IMMP2L: variants seen among roughly 807,000 people sequenced by gnomAD.
The protein encoded by IMMP2L is mitochondrial inner membrane protease subunit 2.
IMMP2L carries 18 observed loss-of-function variants against 19.3 expected under a neutral mutation model. The observed-to-expected ratio is 0.93, with a 90% CI of 0.64 to 1.38. The LOEUF (loss-of-function observed/expected upper bound fraction) is 1.38. Ranked by LOEUF, IMMP2L falls within the 40% of genes most tolerant of loss-of-function variation. IMMP2L has a pLI of 0.00. For missense variants in IMMP2L, 233 were observed against 218.2 expected (o/e 1.07, Z -0.43); for synonymous variants, 76 against 73.0 (o/e 1.04, Z -0.21).
At chr7:110,964,440 G>T (rs955861513) in intron 3 of IMMP2L, among the ~76,000 whole-genome samples, 1 of 151,958 alleles carries the variant, frequency 6.6e-6, no homozygotes, top group Admixed American at 6.6e-5. Flanking sequence ...CTACATTTGG[G>T]TTTAGCCATT....
intron 3 of IMMP2L, among the ~76,000 whole-genome samples, chr7:111,391,131 C>G (rs1274084198): frequency 2.0e-5 from 3 of 151,988 alleles, no homozygotes; most frequent in African/African-American, 4.8e-5. Flanking sequence ...TGGCTTATTG[C>G]TAATATGTAA....
At chr7:110,669,104 T>G (rs542992993) in intron 5 of IMMP2L, among the ~76,000 whole-genome samples, 19,080 of 143,576 alleles carry the variant, frequency 0.13, 4,225 homozygotes, top group African/African-American at 0.46. Flanking sequence ...TGTATATATA[T>G]ATATAGAGAG....
At chr7:111,409,309 A>G (rs1834166094) in intron 3 of IMMP2L, among the ~76,000 whole-genome samples, 1 of 151,700 alleles carries the variant, frequency 6.6e-6, no homozygotes, top group African/African-American at 2.4e-5. Context: ...ATGATTCAAT[A>G]TGGTTATCAG....
At chr7:110,945,794 G>A (rs12535802) in intron 4 of IMMP2L, among the ~76,000 whole-genome samples, 68,648 of 151,002 alleles carry the variant, frequency 0.45, 17,369 homozygotes, top group Non-Finnish European at 0.58. Flanking sequence ...GAGGTTGTGA[G>A]CAGAATCAGA....
At chr7:111,021,526 G>A (rs1826275783) in intron 3 of IMMP2L, among the ~76,000 whole-genome samples, 1 of 152,184 alleles carries the variant, frequency 6.6e-6, no homozygotes, top group Admixed American at 6.5e-5. Context: ...TGAAGGAGTA[G>A]CAAAGTCACA....
chr7:111,010,975 T>C (rs1214734597), intron 3 of IMMP2L, among the ~76,000 whole-genome samples: 1 of 150,914 alleles, frequency 6.6e-6, no homozygotes, highest in African/African-American at 2.4e-5. Context: ...ACCCAGGTGT[T>C]GAAAGTGTCC....
intron 5 of IMMP2L, among the ~76,000 whole-genome samples, chr7:110,859,276 T>A (rs913983946): frequency 6.6e-6 from 1 of 151,998 alleles, no homozygotes; most frequent in Non-Finnish European, 1.5e-5. Flanking sequence ...TCAGAAGTAT[T>A]TTTTCAGTCT....
At chr7:110,825,175 C>T (rs1438333215) in intron 5 of IMMP2L, among the ~76,000 whole-genome samples, 10 of 152,030 alleles carry the variant, frequency 6.6e-5, no homozygotes, top group East Asian at 1.9e-4. Flanking sequence ...CACTGCTTAG[C>T]GAAATAAAAG....
At chr7:111,253,691 G>A (rs957268323) in intron 3 of IMMP2L, among the ~76,000 whole-genome samples, 1 of 152,132 alleles carries the variant, frequency 6.6e-6, no homozygotes, top group African/African-American at 2.4e-5. Context: ...GTCAAGATTT[G>A]CTACCAAATC....
chr7:111,162,310 T>C (rs1442828597), intron 3 of IMMP2L, among the ~76,000 whole-genome samples: 1 of 152,050 alleles, frequency 6.6e-6, no homozygotes, highest in Non-Finnish European at 1.5e-5. Context: ...AACACTGAAA[T>C]TTGATTATAA....
chr7:111,529,787 A>G (rs1308049099), intron 1 of IMMP2L, among the ~76,000 whole-genome samples: 1 of 152,198 alleles, frequency 6.6e-6, no homozygotes, highest in African/African-American at 2.4e-5. Flanking sequence ...GCATCTGGAT[A>G]CTAAGAGAAG....
chr7:110,845,025 A>G (rs930150367), intron 5 of IMMP2L, among the ~76,000 whole-genome samples: 1 of 152,140 alleles, frequency 6.6e-6, no homozygotes, highest in East Asian at 1.9e-4. Flanking sequence ...ATCAGCTGGG[A>G]AAGATTTAAA....
At chr7:111,519,783 A>G (rs1028912174) in intron 2 of IMMP2L, among the ~76,000 whole-genome samples, 1 of 152,146 alleles carries the variant, frequency 6.6e-6, no homozygotes, top group Non-Finnish European at 1.5e-5. Context: ...GAATATCATC[A>G]GATCCAAAGT....
At chr7:111,129,890 A>G (rs189003016) in intron 3 of IMMP2L, among the ~76,000 whole-genome samples, 116 of 152,324 alleles carry the variant, frequency 7.6e-4, no homozygotes, top group African/African-American at 2.6e-3. Context: ...AAGAAAAATT[A>G]TTAAGAGAAA....
chr7:111,547,680 T>C (rs1438404177), intron 1 of IMMP2L, among the ~76,000 whole-genome samples: 2 of 151,480 alleles, frequency 1.3e-5, no homozygotes, highest in Non-Finnish European at 2.9e-5. Flanking sequence ...CTCAGCCTCC[T>C]GAGTAGCTGG....
intron 3 of IMMP2L, among the ~76,000 whole-genome samples, chr7:111,415,184 T>C (rs1259843494): frequency 6.6e-6 from 1 of 151,746 alleles, no homozygotes; most frequent in East Asian, 1.9e-4. Context: ...ATAGGAGCCA[T>C]GTAGCAAGGA....
At chr7:111,391,395 A>C (rs1054661407) in intron 3 of IMMP2L, among the ~76,000 whole-genome samples, 1 of 152,188 alleles carries the variant, frequency 6.6e-6, no homozygotes, top group Admixed American at 6.5e-5. Context: ...TTCTTGTTAT[A>C]GTAATTATAT....
intron 3 of IMMP2L, among the ~76,000 whole-genome samples, chr7:111,343,404 A>T (rs1197759555): frequency 1.3e-5 from 2 of 152,064 alleles, no homozygotes; most frequent in Non-Finnish European, 2.9e-5. Context: ...TTCTGGCTCT[A>T]ATCACAAGCT....
intron 3 of IMMP2L, among the ~76,000 whole-genome samples, chr7:111,268,569 C>CTCTTTTTTTT (rs1818083564): frequency 6.7e-5 from 3 of 44,562 alleles, no homozygotes; most frequent in African/African-American, 3.1e-4. Context: ...TCACATTTCT[C>CTCTTTTTTTT]TTTTTTTTTT....
Sources: gnomAD v4.1 joint callset for allele counts (sites outside exome capture counted in the v4.1 genomes callset) on GRCh38, gnomAD v4.1.1 for gene constraint, MANE v1.5 for transcripts, NCBI Gene and HGNC (gene_info 2026-07-23, HGNC 2026-07-21) for gene names.